The following DLG2 variants were observed in gnomAD, a reference collection of about 807,000 sequenced individuals.
DLG2 encodes the protein discs large MAGUK scaffold protein 2.
DLG2 carries 45 observed loss-of-function variants against 132.5 expected under a neutral mutation model. The observed-to-expected ratio is 0.34, with a 90% CI of 0.27 to 0.44. The LOEUF (loss-of-function observed/expected upper bound fraction) is 0.44. Ranked by LOEUF, DLG2 falls within the 20% of genes least tolerant of loss-of-function variation. The pLI is 1.00. For missense variants in DLG2, 1,045 were observed against 1,196.9 expected, an observed-to-expected ratio of 0.87 and a Z score of 1.87; for synonymous variants, 424 against 419.6, an observed-to-expected ratio of 1.01 and a Z score of -0.13.
intron 22 of DLG2, among the ~76,000 whole-genome samples, chr11:83,478,843 C>A (rs566904677): frequency 6.6e-6 from 1 of 151,870 alleles, no homozygotes; most frequent in African/African-American, 2.4e-5. Flanking sequence ...TATTTTTCTA[C>A]GTACTAAATT....
At chr11:83,558,080 G>A (rs1044514952) in intron 19 of DLG2, among the ~76,000 whole-genome samples, 1 of 152,146 alleles carries the variant, frequency 6.6e-6, no homozygotes, top group African/African-American at 2.4e-5. Flanking sequence ...CAGACATGTG[G>A]GTTTCTGTAA....
intron 21 of DLG2, among the ~76,000 whole-genome samples, chr11:83,525,920 G>C (rs944267461): frequency 7.2e-5 from 11 of 152,156 alleles, no homozygotes; most frequent in Admixed American, 3.3e-4. Flanking sequence ...TTGATTTTTT[G>C]ATAAGTGACA....
chr11:84,629,138 A>G (rs1000299871), intron 6 of DLG2, among the ~76,000 whole-genome samples: 1 of 152,110 alleles, frequency 6.6e-6, no homozygotes, highest in Non-Finnish European at 1.5e-5. Flanking sequence ...CTTTGTCTCA[A>G]TCTCCTAATC....
chr11:84,772,140 A>C (rs2069525899), intron 6 of DLG2, among the ~76,000 whole-genome samples: 1 of 152,142 alleles, frequency 6.6e-6, no homozygotes, highest in African/African-American at 2.4e-5. Context: ...CTTTAAACCA[A>C]CAACAATAAA....
In DLG2 at chr11:84,344,716, C is replaced by T. The variant is rs2098531509; in HGVS notation, c.520-93425G>A. ...TAGCTATCCCCCAGTGACTCTTTTC[C>T]AACTAACGTTCCCTGTCTGAAGAAT... On this transcript the variant is annotated intron_variant, in intron 7 of 27. Coordinates refer to ENST00000376104, the MANE Select transcript of DLG2 (RefSeq NM_001142699.3). Among the ~76,000 whole-genome samples, 5 of 152,310 alleles carry T rather than the reference C, an allele frequency of 3.3e-5. No individual in the cohort carries two copies. In the South Asian group the frequency reaches 1.0e-3, roughly 32 times the overall value.
intron 2 of DLG2, among the ~76,000 whole-genome samples, chr11:85,624,721 T>C (rs1054364974): frequency 2.0e-5 from 3 of 152,194 alleles, no homozygotes; most frequent in African/African-American, 7.2e-5. Flanking sequence ...GCAAGATACA[T>C]TGTTTCTCTA....
At chr11:84,542,199 C>T (rs2099375561) in intron 6 of DLG2, among the ~76,000 whole-genome samples, 1 of 151,938 alleles carries the variant, frequency 6.6e-6, no homozygotes, top group Non-Finnish European at 1.5e-5. Flanking sequence ...AGAGCTAGAA[C>T]ATGTTTGTGT....
At chr11:84,535,855 C>G (rs1412572172) in intron 6 of DLG2, among the ~76,000 whole-genome samples, 6 of 152,088 alleles carry the variant, frequency 3.9e-5, no homozygotes, top group Non-Finnish European at 8.8e-5. Flanking sequence ...GAACAGGGAT[C>G]TAAACATTGT....
rs1340832114 is a variant in DLG2, at chr11:85,475,777, TG to T, written c.40+122879del. ...AATAGGCAATAACAAATAACAAAGC[TG>T]TGGCAGAGAGAAGCTCAATGTCATC... On this transcript the variant is annotated intron_variant, in intron 3 of 27. Coordinates refer to ENST00000376104, the MANE Select transcript of DLG2 (RefSeq NM_001142699.3). Among the ~76,000 whole-genome samples the T allele has an allele frequency of 2.0e-5, 3 of 152,232 alleles. No homozygotes were observed. The East Asian group carries it at 5.8e-4, about 29-fold the overall frequency.
chr11:85,462,104 T>C (rs373649734), intron 3 of DLG2, among the ~76,000 whole-genome samples: 37 of 152,168 alleles, frequency 2.4e-4, no homozygotes, highest in African/African-American at 6.5e-4. Context: ...CAATGAGATA[T>C]CATCTCACGC....
At chr11:84,014,238 G>A (rs1335061927) in intron 11 of DLG2, among the ~76,000 whole-genome samples, 1 of 152,134 alleles carries the variant, frequency 6.6e-6, no homozygotes, top group Non-Finnish European at 1.5e-5. Context: ...AATGTAAGGT[G>A]AATGTTTTGG....
intron 18 of DLG2, among the ~76,000 whole-genome samples, chr11:83,699,535 A>G (rs895396715): frequency 2.0e-5 from 3 of 150,328 alleles, no homozygotes; most frequent in African/African-American, 7.3e-5. Flanking sequence ...TCTCTACTAA[A>G]AATACAAAAG....
chr11:84,627,514 G>A (rs2154543270), intron 6 of DLG2, among the ~76,000 whole-genome samples: 1 of 152,258 alleles, frequency 6.6e-6, no homozygotes. Context: ...CCAGAGTACT[G>A]CAGCGGAAAT....
chr11:83,801,673 T>C (rs540571722), intron 17 of DLG2, among the ~76,000 whole-genome samples: 21 of 152,308 alleles, frequency 1.4e-4, no homozygotes, highest in South Asian at 2.1e-4. Context: ...GACAATCACA[T>C]TGAAAGTAGC....
intron 7 of DLG2, among the ~76,000 whole-genome samples, chr11:84,488,478 T>A (rs2099156478): frequency 6.6e-6 from 1 of 151,988 alleles, no homozygotes; most frequent in Non-Finnish European, 1.5e-5. Context: ...TGGGTATAGG[T>A]TTTCCAAGCT....
intron 8 of DLG2, among the ~76,000 whole-genome samples, chr11:84,169,686 A>G (rs2095768923): frequency 1.8e-5 from 1 of 56,038 alleles, no homozygotes; most frequent in Non-Finnish European, 4.9e-5. Context: ...CAGTATAGCC[A>G]ACATGATAAA....
At chr11:83,724,176 A>G (rs768928649) in intron 18 of DLG2, among the ~76,000 whole-genome samples, 3 of 152,198 alleles carry the variant, frequency 2.0e-5, no homozygotes, top group Non-Finnish European at 4.4e-5. Flanking sequence ...TTTTACTGAT[A>G]AGAAAACTGA....
intron 6 of DLG2, among the ~76,000 whole-genome samples, chr11:84,637,293 G>A (rs2154544625): frequency 6.6e-6 from 1 of 152,278 alleles, no homozygotes; most frequent in South Asian, 2.1e-4. Context: ...GCCCCAGGCT[G>A]TGATCACTCT....
intron 3 of DLG2, chr11:85,525,018 T>TTCTC (rs2074637223): frequency 6.6e-6 from 1 of 152,200 alleles, no homozygotes; most frequent in Non-Finnish European, 1.5e-5. Flanking sequence ...CTTCCTTCCT[T>TTCTC]TCTCTTGTTC....
Sources: allele counts gnomAD v4.1 joint callset (sites outside exome capture counted in the v4.1 genomes callset), GRCh38; gene constraint gnomAD v4.1.1; transcripts MANE v1.5; gene names NCBI Gene and HGNC (gene_info 2026-07-23, HGNC 2026-07-21).